The following PTPRT variants were observed in gnomAD, a reference collection of about 807,000 sequenced individuals.
PTPRT encodes the protein protein tyrosine phosphatase receptor type T.
Under a neutral mutation model 176.8 loss-of-function variants are expected in PTPRT, and 56 were observed. That is an observed-to-expected ratio of 0.32 (90% CI 0.26 to 0.40). PTPRT has a LOEUF of 0.40. PTPRT is among the 10% of genes least tolerant of loss of function. PTPRT has a pLI of 1.00. For missense variants in PTPRT, 1,540 were observed against 1,908.2 expected (o/e 0.81, Z 3.60); for synonymous variants, 783 against 739.0 (o/e 1.06, Z -0.96).
intron 6 of PTPRT, among the ~76,000 whole-genome samples, chr20:42,749,702 A>G (rs1183189469): frequency 6.6e-6 from 1 of 152,242 alleles, no homozygotes; most frequent in African/African-American, 2.4e-5. Context: ...ACAGATTTGC[A>G]TGATTCTTCC....
chr20:43,099,786 C>A (rs1306017783), intron 1 of PTPRT, among the ~76,000 whole-genome samples: 1 of 152,182 alleles, frequency 6.6e-6, no homozygotes, highest in Admixed American at 6.5e-5. Flanking sequence ...CAGCCTGCAA[C>A]AGCCACAGGA....
At chr20:42,640,628 C>A (rs922795385) in intron 7 of PTPRT, among the ~76,000 whole-genome samples, 2 of 152,096 alleles carry the variant, frequency 1.3e-5, no homozygotes, top group Middle Eastern at 3.2e-3. Context: ...ACCACCGCCT[C>A]AGCCTCCCAA....
chr20:42,980,294 T>C (rs1983202291), intron 1 of PTPRT, among the ~76,000 whole-genome samples: 1 of 152,132 alleles, frequency 6.6e-6, no homozygotes, highest in Non-Finnish European at 1.5e-5. Flanking sequence ...GCATTGGGAA[T>C]TGGGAGCCTG....
At chr20:42,569,755 C>T (rs1037579252) in intron 7 of PTPRT, among the ~76,000 whole-genome samples, 2 of 152,214 alleles carry the variant, frequency 1.3e-5, no homozygotes, top group Non-Finnish European at 2.9e-5. Flanking sequence ...CACAAGATCA[C>T]TTGGCCCTCA....
chr20:42,802,225 G>A (rs1008049162), intron 2 of PTPRT, among the ~76,000 whole-genome samples: 2 of 152,204 alleles, frequency 1.3e-5, no homozygotes, highest in Non-Finnish European at 2.9e-5. Context: ...ATAACCACTG[G>A]ACTAGCTGGT....
intron 6 of PTPRT, among the ~76,000 whole-genome samples, chr20:42,692,246 A>G (rs1485257439): frequency 1.3e-5 from 2 of 152,254 alleles, no homozygotes; most frequent in African/African-American, 2.4e-5. Flanking sequence ...AAGATATCAC[A>G]TGAAACTTTT....
chr20:42,956,782 A>G (rs1227917916), intron 1 of PTPRT, among the ~76,000 whole-genome samples: 4 of 152,170 alleles, frequency 2.6e-5, no homozygotes, highest in Non-Finnish European at 4.4e-5. Flanking sequence ...TGACAGCAAC[A>G]ACGGTCAGGA....
chr20:42,587,407 G>A (rs2073490735), intron 7 of PTPRT, among the ~76,000 whole-genome samples: 1 of 152,204 alleles, frequency 6.6e-6, no homozygotes, highest in Admixed American at 6.5e-5. Context: ...TCTGCCCTTT[G>A]GTCATAAGAT....
At chr20:42,831,394 C>T (rs1454207007) in intron 2 of PTPRT, among the ~76,000 whole-genome samples, 1 of 152,186 alleles carries the variant, frequency 6.6e-6, no homozygotes, top group Non-Finnish European at 1.5e-5. Flanking sequence ...GAATTAAAGA[C>T]TTAAATGTAA....
At chr20:42,411,940 C>G (rs1241986868) in intron 9 of PTPRT, among the ~76,000 whole-genome samples, 1 of 152,082 alleles carries the variant, frequency 6.6e-6, no homozygotes, top group African/African-American at 2.4e-5. Flanking sequence ...TAGACCCATA[C>G]CTTGCACTAT....
intron 7 of PTPRT, among the ~76,000 whole-genome samples, chr20:42,614,634 C>A (rs2074034836): frequency 6.6e-6 from 1 of 152,188 alleles, no homozygotes. Flanking sequence ...TCCTACTTCA[C>A]AGAAGCAAAC....
chr20:42,515,698 C>T (rs968496976), intron 7 of PTPRT, among the ~76,000 whole-genome samples: 4 of 152,108 alleles, frequency 2.6e-5, no homozygotes, highest in African/African-American at 9.7e-5. Context: ...ACAGCGTGGT[C>T]CATGTAACCA....
In PTPRT at chr20:42,658,411, G is replaced by T. The variant is rs530842955; in HGVS notation, c.1153+19455C>A. 4.6e-5 allele frequency among the ~76,000 whole-genome samples: 7 copies of T among 152,266 alleles called. No individual in the cohort carries two copies. The South Asian group carries it at 8.3e-4, about 18-fold the overall frequency. ...CTTAGGAACATCAGATGACACTTCA[G>T]CACTACACTTGGGGGCCACTTAAAG... is the stretch of plus-strand genomic sequence containing the variant. On this transcript the variant is annotated intron_variant, in intron 7 of 30. Coordinates refer to ENST00000373187, the MANE Select transcript of PTPRT (RefSeq NM_007050.6).
At chr20:42,394,193 C>T (rs760155550) in intron 9 of PTPRT, among the ~76,000 whole-genome samples, 14 of 152,024 alleles carry the variant, frequency 9.2e-5, no homozygotes, top group Admixed American at 2.0e-4. Context: ...CACTGATTTG[C>T]GTGGTATTTA....
chr20:43,060,749 C>T (rs1363447340), intron 1 of PTPRT, among the ~76,000 whole-genome samples: 2 of 152,146 alleles, frequency 1.3e-5, no homozygotes, highest in Non-Finnish European at 2.9e-5. Context: ...AGAAGCTCAA[C>T]ACAAAATGTT....
chr20:42,651,300 G>A (rs1193481068), intron 7 of PTPRT, among the ~76,000 whole-genome samples: 1 of 152,138 alleles, frequency 6.6e-6, no homozygotes, highest in Non-Finnish European at 1.5e-5. Flanking sequence ...GCTTGTCAAA[G>A]TCAGATATAA....
intron 7 of PTPRT, among the ~76,000 whole-genome samples, chr20:42,609,227 C>T (rs1009657847): frequency 6.6e-6 from 1 of 152,042 alleles, no homozygotes; most frequent in Admixed American, 6.6e-5. Context: ...ACACACATGA[C>T]CATGCCGGGC....
the PTPRT span, among the ~76,000 whole-genome samples, chr20:42,041,288 T>C: frequency 2.0e-5 from 3 of 152,112 alleles, no homozygotes; most frequent in Non-Finnish European, 4.4e-5. Context: ...TCTCTAAAGA[T>C]TGATTGATTT....
intron 1 of PTPRT, among the ~76,000 whole-genome samples, chr20:42,997,687 A>G (rs1248566751): frequency 6.6e-6 from 1 of 152,214 alleles, no homozygotes; most frequent in African/African-American, 2.4e-5. Flanking sequence ...AACGCTGGGG[A>G]AATTTCTAAA....
Sources: allele counts gnomAD v4.1 joint callset (sites outside exome capture counted in the v4.1 genomes callset), GRCh38; gene constraint gnomAD v4.1.1; transcripts MANE v1.5; gene names NCBI Gene and HGNC (gene_info 2026-07-23, HGNC 2026-07-21).